Variants in CDK19 observed in about 807,000 individuals in gnomAD.
The protein encoded by CDK19 is cyclin-dependent kinase 19.
CDK19 carries 20 observed loss-of-function variants against 68.3 expected under a neutral mutation model. That is an observed-to-expected ratio of 0.29 (90% CI 0.21 to 0.43). The LOEUF (loss-of-function observed/expected upper bound fraction) is 0.43, where lower values mean the gene tolerates loss of function less well. Among genes scored for constraint, CDK19 ranks in the 20% least tolerant of loss-of-function variants. The pLI, the probability that CDK19 is intolerant of heterozygous loss-of-function variation, is 1.00. For synonymous variants in CDK19, 221 were observed against 222.8 expected (o/e 0.99, Z 0.07); for missense variants, 339 against 623.5 (o/e 0.54, Z 4.86).
At chr6:110,768,402 A>C (rs1421402244) in intron 1 of CDK19, among the ~76,000 whole-genome samples, 3 of 152,254 alleles carry the variant, frequency 2.0e-5, no homozygotes, top group Non-Finnish European at 4.4e-5. Context: ...TTACCCAAAG[A>C]AGATGAAAAC....
intron 1 of CDK19, among the ~76,000 whole-genome samples, chr6:110,781,676 C>T (rs9384755): frequency 1.3e-5 from 2 of 152,022 alleles, no homozygotes; most frequent in African/African-American, 4.8e-5. Context: ...AACCCCATCT[C>T]TACAAAAAAA....
intron 1 of CDK19, among the ~76,000 whole-genome samples, chr6:110,788,070 C>G (rs1781356937): frequency 6.6e-6 from 1 of 152,030 alleles, no homozygotes; most frequent in South Asian, 2.1e-4. Context: ...GAACTCCTGA[C>G]CTCACGTGAT....
chr6:110,774,642 A>G (rs115482889), intron 1 of CDK19, among the ~76,000 whole-genome samples: 1 of 152,232 alleles, frequency 6.6e-6, no homozygotes, highest in Non-Finnish European at 1.5e-5. Context: ...AGGGACAATT[A>G]TATAAAGAAT....
At chr6:110,637,937 C>A (rs753330751) in intron 5 of CDK19, among the ~76,000 whole-genome samples, 1 of 152,134 alleles carries the variant, frequency 6.6e-6, no homozygotes, top group Non-Finnish European at 1.5e-5. Context: ...GAGCCAAGAT[C>A]GCGCCATTGC....
At chr6:110,752,377 A>G (rs1326918052) in intron 1 of CDK19, among the ~76,000 whole-genome samples, 1 of 152,198 alleles carries the variant, frequency 6.6e-6, no homozygotes, top group Non-Finnish European at 1.5e-5. Context: ...TCAATGTCGT[A>G]ACACTTTAAT....
In CDK19 at chr6:110,813,729, G is replaced by T. The variant is rs1276048424; in HGVS notation, c.128+1280C>A. On this transcript the variant is annotated intron_variant, in intron 1 of 12. Transcript: ENST00000368911. ...ACACTTTATAATAGAGTTGTTTTAT[G>T]AAGTTAGTGCATACGCACACAACGT... 6 of 152,310 alleles carry T rather than the reference G, an allele frequency of 3.9e-5. No individual in the cohort carries two copies. The East Asian group carries it at 9.6e-4, about 24-fold the overall frequency. The allele number at this position is 152,310 out of a possible 1,614,324, so 9.4% of individuals were successfully genotyped here.
At chr6:110,790,121 G>A (rs1222088678) in intron 1 of CDK19, among the ~76,000 whole-genome samples, 1 of 152,168 alleles carries the variant, frequency 6.6e-6, no homozygotes, top group Non-Finnish European at 1.5e-5. Context: ...TATATTTCTG[G>A]ACTTCTTCTG....
intron 1 of CDK19, among the ~76,000 whole-genome samples, chr6:110,751,072 G>A (rs759011907): frequency 7.9e-5 from 12 of 151,980 alleles, no homozygotes; most frequent in South Asian, 2.1e-4. Context: ...GGCCTCAAGC[G>A]ATCCACCCAC....
chr6:110,739,822 T>C (rs867636932), intron 2 of CDK19, among the ~76,000 whole-genome samples: 2 of 151,150 alleles, frequency 1.3e-5, no homozygotes, highest in Non-Finnish European at 1.5e-5. Context: ...ATTATTATTA[T>C]AGAGACAGGG....
At chr6:110,739,636 A>ATT (rs978528741) in intron 2 of CDK19, among the ~76,000 whole-genome samples, 1 of 146,704 alleles carries the variant, frequency 6.8e-6, no homozygotes. Context: ...ATATATATAC[A>ATT]TTTTTTTTTT....
intron 12 of CDK19, among the ~76,000 whole-genome samples, chr6:110,618,985 T>G (rs1439144446): frequency 6.6e-6 from 1 of 152,154 alleles, no homozygotes; most frequent in Non-Finnish European, 1.5e-5. Context: ...CTGCCTTTTG[T>G]GAGTTGATTT....
chr6:110,811,306 G>A (rs1408866748), intron 1 of CDK19, among the ~76,000 whole-genome samples: 1 of 152,202 alleles, frequency 6.6e-6, no homozygotes, highest in Non-Finnish European at 1.5e-5. Context: ...TGTACTCATT[G>A]TGAAGAATTT....
chr6:110,744,698 T>A (rs1011688414), intron 2 of CDK19, among the ~76,000 whole-genome samples: 4 of 152,160 alleles, frequency 2.6e-5, no homozygotes, highest in Non-Finnish European at 5.9e-5. Flanking sequence ...GGTCTGCCCC[T>A]CAAAGTACAC....
At chr6:110,759,287 C>T (rs2114941311) in intron 1 of CDK19, among the ~76,000 whole-genome samples, 1 of 150,340 alleles carries the variant, frequency 6.7e-6, no homozygotes, top group South Asian at 2.1e-4. Flanking sequence ...TGCCTGTAGT[C>T]CCAGCTACTC....
At chr6:110,687,725 GA>G (rs940072998) in intron 2 of CDK19, among the ~76,000 whole-genome samples, 2 of 152,072 alleles carry the variant, frequency 1.3e-5, no homozygotes, top group African/African-American at 4.8e-5. Flanking sequence ...TTTTTTAAAA[GA>G]GCTATATTAT....
At chr6:110,759,992 A>C (rs1779120339) in intron 1 of CDK19, among the ~76,000 whole-genome samples, 1 of 152,188 alleles carries the variant, frequency 6.6e-6, no homozygotes, top group Non-Finnish European at 1.5e-5. Context: ...TTTACCATTA[A>C]ATCAACATTA....
intron 2 of CDK19, among the ~76,000 whole-genome samples, chr6:110,744,011 G>GGT (rs1777878999): frequency 8.8e-6 from 1 of 113,358 alleles, no homozygotes. Context: ...ACCTCCCCAC[G>GGT]TTTTTTTTTT....
chr6:110,785,294 T>G (rs1375753603), intron 1 of CDK19, among the ~76,000 whole-genome samples: 2 of 152,150 alleles, frequency 1.3e-5, no homozygotes, highest in Non-Finnish European at 2.9e-5. Context: ...CAGGGCTTAG[T>G]GGCGCTTACC....
At chr6:110,695,862 C>T (rs951512491) in intron 2 of CDK19, among the ~76,000 whole-genome samples, 2 of 150,890 alleles carry the variant, frequency 1.3e-5, no homozygotes, top group African/African-American at 4.9e-5. Flanking sequence ...AAAAAAAAAA[C>T]TACCAACAAA....
Sources: allele counts gnomAD v4.1 joint callset (sites outside exome capture counted in the v4.1 genomes callset), GRCh38; gene constraint gnomAD v4.1.1; transcripts MANE v1.5; gene names NCBI Gene and HGNC (gene_info 2026-07-23, HGNC 2026-07-21).